Variants in CNTN4 observed in about 807,000 individuals in gnomAD.
The protein encoded by CNTN4 is contactin-4.
CNTN4 carries 77 observed loss-of-function variants against 122.5 expected under a neutral mutation model. That is an observed-to-expected ratio of 0.63 (90% CI 0.52 to 0.76). The LOEUF is 0.76. Ranked by LOEUF, CNTN4 falls within the 30% of genes least tolerant of loss-of-function variation. The probability of loss-of-function intolerance (pLI) is 0.00; values close to 1 mark genes in which losing one functional copy is unlikely to be tolerated. For synonymous variants in CNTN4, 512 were observed against 447.0 expected, an observed-to-expected ratio of 1.15 and a Z score of -1.83; for missense variants, 1,256 against 1,259.1, an observed-to-expected ratio of 1.00 and a Z score of 0.04.
intron 23 of CNTN4, 110 bp downstream of exon 23, chr3:3,043,814 C>T: frequency 2.6e-6 from 2 of 767,226 alleles, no homozygotes; most frequent in Admixed American, 4.0e-5. Context: ...TGATGCTCTC[C>T]TACCCTCTAG....
At chr3:2,874,211 G>T (rs2093817284) in intron 8 of CNTN4, among the ~76,000 whole-genome samples, 1 of 152,160 alleles carries the variant, frequency 6.6e-6, no homozygotes, top group African/African-American at 2.4e-5. Context: ...GTCTTGGATG[G>T]CCATTTGGCT....
chr3:3,024,722 A>G (rs977455400), intron 14 of CNTN4, among the ~76,000 whole-genome samples: 1 of 152,188 alleles, frequency 6.6e-6, no homozygotes, highest in Non-Finnish European at 1.5e-5. Context: ...CTGTAGTTGG[A>G]TAAAAGGATA....
intron 3 of CNTN4, among the ~76,000 whole-genome samples, chr3:2,455,638 C>T (rs1038084363): frequency 6.6e-6 from 1 of 152,028 alleles, no homozygotes; most frequent in Non-Finnish European, 1.5e-5. Context: ...AGGAAGGGCG[C>T]CTCCAAAAAA....
intron 4 of CNTN4, among the ~76,000 whole-genome samples, chr3:2,735,603 G>A (rs1476412657): frequency 1.3e-5 from 2 of 152,192 alleles, no homozygotes; most frequent in Admixed American, 6.5e-5. Context: ...ATGCAAGGTA[G>A]ACCATATATG....
intron 4 of CNTN4, among the ~76,000 whole-genome samples, chr3:2,731,073 T>C (rs1380203115): frequency 1.3e-5 from 2 of 152,004 alleles, no homozygotes; most frequent in Non-Finnish European, 2.9e-5. Flanking sequence ...TCATTTTTAT[T>C]CTGTAACCTA....
intron 6 of CNTN4, among the ~76,000 whole-genome samples, chr3:2,759,661 A>C (rs931296281): frequency 3.3e-5 from 5 of 151,308 alleles, no homozygotes; most frequent in Non-Finnish European, 7.4e-5. Flanking sequence ...TAGCTAGTGG[A>C]GTTACTGTAT....
intron 6 of CNTN4, among the ~76,000 whole-genome samples, chr3:2,767,112 C>A (rs148942715): frequency 3.9e-5 from 6 of 152,094 alleles, no homozygotes; most frequent in African/African-American, 7.2e-5. Flanking sequence ...AAAAAATATA[C>A]CAGGCTAATA....
intron 4 of CNTN4, among the ~76,000 whole-genome samples, chr3:2,638,584 A>T (rs953269727): frequency 5.6e-4 from 85 of 152,128 alleles, no homozygotes; most frequent in Non-Finnish European, 1.1e-3. Context: ...TACCTATTTT[A>T]ATTCTATTCA....
rs183269929 is a variant in CNTN4, at chr3:2,518,852, G to T, written c.-88-52564G>T. On this transcript the variant is annotated intron_variant, in intron 3 of 24. Transcript: ENST00000418658. ...ATCTACACAAAACAGACTAATAGAAGAAAATCATACAGATTTTTCACATTT... is the reference window on the plus strand; with the variant it reads ...ATCTACACAAAACAGACTAATAGAATAAAATCATACAGATTTTTCACATTT... Among the ~76,000 whole-genome samples the T allele has an allele frequency of 8.5e-4, 129 of 152,120 alleles. 1 individual carries two copies. Among genetic ancestry groups the T allele is most frequent in the African/African-American group, 2.9e-3 (121 of 41,534 alleles).
chr3:2,411,708 T>C (rs2047232030), intron 3 of CNTN4, among the ~76,000 whole-genome samples: 1 of 152,162 alleles, frequency 6.6e-6, no homozygotes, highest in South Asian at 2.1e-4. Context: ...AATCAAGTTA[T>C]TGGAAAAAGT....
chr3:2,181,121 G>C lies in CNTN4; in HGVS notation c.-145+80482G>C, dbSNP rs561933145. Among the ~76,000 whole-genome samples the C allele has an allele frequency of 3.3e-5, 5 of 152,122 alleles. No individual in the cohort carries two copies. The South Asian group carries it at 8.3e-4, about 25-fold the overall frequency. On this transcript the variant is annotated intron_variant, in intron 2 of 24. Coordinates refer to ENST00000418658, the MANE Select transcript of CNTN4 (RefSeq NM_175607.3). ...GAACTTGCAAAATCATTAGTTTTAT[G>C]ACTCCAGCATGACCTACAAAAAATT...
intron 4 of CNTN4, among the ~76,000 whole-genome samples, chr3:2,677,942 G>C (rs577660393): frequency 9.9e-4 from 151 of 152,236 alleles, no homozygotes; most frequent in African/African-American, 3.5e-3. Context: ...CAGAAAACTT[G>C]AATATTAGCT....
At chr3:2,175,912 G>A (rs1038024227) in intron 2 of CNTN4, among the ~76,000 whole-genome samples, 3 of 152,150 alleles carry the variant, frequency 2.0e-5, no homozygotes, top group Non-Finnish European at 2.9e-5. Flanking sequence ...GTAGAGTTAG[G>A]AGAAGATTAT....
intron 6 of CNTN4, among the ~76,000 whole-genome samples, chr3:2,747,720 A>C (rs1317470367): frequency 6.6e-6 from 1 of 152,220 alleles, no homozygotes; most frequent in African/African-American, 2.4e-5. Context: ...ATTCCACTTC[A>C]TGTGTGATGT....
chr3:2,506,732 TAGAA>T (rs972841700), intron 3 of CNTN4, among the ~76,000 whole-genome samples: 1 of 151,956 alleles, frequency 6.6e-6, no homozygotes, highest in African/African-American at 2.4e-5. Flanking sequence ...ATCATAGAGA[TAGAA>T]AGAAAAAAGA....
chr3:2,199,326 AGT>A (rs749883694), intron 2 of CNTN4, among the ~76,000 whole-genome samples: 6 of 151,766 alleles, frequency 4.0e-5, no homozygotes, highest in East Asian at 1.9e-4. Context: ...GTACTTTTAA[AGT>A]GTGTGTGTGT....
intron 2 of CNTN4, among the ~76,000 whole-genome samples, chr3:2,112,859 G>T (rs1187755587): frequency 6.6e-6 from 1 of 152,026 alleles, no homozygotes; most frequent in Non-Finnish European, 1.5e-5. Context: ...ATATCCTATA[G>T]ATCTGATTAT....
chr3:2,829,736 T>C (rs538023840), intron 7 of CNTN4, among the ~76,000 whole-genome samples: 1 of 152,274 alleles, frequency 6.6e-6, no homozygotes, highest in African/African-American at 2.4e-5. Flanking sequence ...TAGAAAAAAA[T>C]AAGTTGATAT....
chr3:2,518,755 T>C (rs1049749111), intron 3 of CNTN4, among the ~76,000 whole-genome samples: 1 of 152,266 alleles, frequency 6.6e-6, no homozygotes, highest in African/African-American at 2.4e-5. Flanking sequence ...GATTCTTGAA[T>C]GTAGCAGAAC....
Sources: gnomAD v4.1 joint callset for allele counts (sites outside exome capture counted in the v4.1 genomes callset) on GRCh38, gnomAD v4.1.1 for gene constraint, MANE v1.5 for transcripts, NCBI Gene and HGNC (gene_info 2026-07-23, HGNC 2026-07-21) for gene names.